MYO3A: variants seen among roughly 807,000 people sequenced by gnomAD.
MYO3A encodes the protein myosin IIIA, also known as myosin-IIIa.
A neutral mutation model predicts 192.7 loss-of-function variants in MYO3A; 180 were observed. The observed-to-expected ratio is 0.93, with a 90% CI of 0.83 to 1.06. The LOEUF (loss-of-function observed/expected upper bound fraction) is 1.06. Among genes scored for constraint, MYO3A ranks in the 50% least tolerant of loss-of-function variants. The pLI, the probability that MYO3A is intolerant of heterozygous loss-of-function variation, is 0.00. For missense variants in MYO3A, 1,896 were observed against 1,905.0 expected (o/e 1.00, Z 0.09); for synonymous variants, 628 against 645.3 (o/e 0.97, Z 0.41).
intron 17 of MYO3A, among the ~76,000 whole-genome samples, chr10:26,109,693 C>T (rs1838042064): frequency 6.6e-6 from 1 of 152,136 alleles, no homozygotes; most frequent in Non-Finnish European, 1.5e-5. Context: ...TTAAAGTAAA[C>T]TTTTCTAGTA....
intron 2 of MYO3A, among the ~76,000 whole-genome samples, chr10:25,951,195 G>C (rs1271359406): frequency 1.3e-5 from 2 of 152,036 alleles, no homozygotes; most frequent in East Asian, 1.9e-4. Context: ...GGTGATATAG[G>C]ATAGTGATAT....
At chr10:26,190,710 T>C (rs1416252437) in intron 31 of MYO3A, among the ~76,000 whole-genome samples, 1 of 152,194 alleles carries the variant, frequency 6.6e-6, no homozygotes, top group Non-Finnish European at 1.5e-5. Flanking sequence ...TGCTTAATGA[T>C]GAAGGGTCAG....
At chr10:26,144,609 TC>T (rs745720101) in intron 21 of MYO3A, among the ~76,000 whole-genome samples, 7 of 152,272 alleles carry the variant, frequency 4.6e-5, no homozygotes, top group Admixed American at 2.6e-4. Context: ...GTTTTATTTC[TC>T]ATGTAATCAA....
chr10:26,135,771 G>A (rs7903895), intron 20 of MYO3A, among the ~76,000 whole-genome samples: 3 of 151,646 alleles, frequency 2.0e-5, no homozygotes, highest in Admixed American at 1.3e-4. Flanking sequence ...TTTGAGACCA[G>A]CCTGGCCAAC....
At chr10:26,095,961 A>C (rs1039670586) in intron 15 of MYO3A, among the ~76,000 whole-genome samples, 1 of 152,210 alleles carries the variant, frequency 6.6e-6, no homozygotes, top group African/African-American at 2.4e-5. Context: ...AATAGGAAAC[A>C]CATGACCACC....
chr10:26,116,484 A>G (rs192655689), intron 17 of MYO3A, among the ~76,000 whole-genome samples: 8 of 152,174 alleles, frequency 5.3e-5, no homozygotes, highest in Non-Finnish European at 1.2e-4. Context: ...CAATGAGCCT[A>G]TTTCCAAATA....
Position 26,108,545 on chromosome 10 carries a change from G to A in MYO3A, c.1776+11863G>A, listed in dbSNP as rs147858157. Among the ~76,000 whole-genome samples, 11 of 152,312 alleles carry A rather than the reference G, an allele frequency of 7.2e-5. No individual in the cohort carries two copies. In the East Asian group the frequency reaches 1.9e-3, roughly 27 times the overall value. ...AATTATTGAATCTAATGATTTTGTA[G>A]TCTGTTTTTAAGGCACTGTTGACTC... On this transcript the variant is annotated intron_variant, in intron 17 of 34. Transcript: ENST00000642920.
At chr10:25,987,255 A>C (rs554529093) in intron 4 of MYO3A, among the ~76,000 whole-genome samples, 3 of 152,354 alleles carry the variant, frequency 2.0e-5, no homozygotes, top group African/African-American at 4.8e-5. Flanking sequence ...ATCCATAAAG[A>C]TTCTAGAAAA....
chr10:26,193,164 A>G (rs1843231712), intron 31 of MYO3A, 41 bp from the exon 32 acceptor site: 1 of 1,396,528 alleles, frequency 7.2e-7, no homozygotes, highest in Non-Finnish European at 1.0e-6. Flanking sequence ...TGATAATAGT[A>G]TTTGTAATTA....
intron 17 of MYO3A, among the ~76,000 whole-genome samples, chr10:26,113,849 C>G (rs1588978458): frequency 6.6e-6 from 1 of 152,150 alleles, no homozygotes; most frequent in Non-Finnish European, 1.5e-5. Flanking sequence ...TGAATCACTT[C>G]GAACTCTATG....
At chr10:25,983,422 A>T (rs1178171177) in intron 4 of MYO3A, among the ~76,000 whole-genome samples, 1 of 151,430 alleles carries the variant, frequency 6.6e-6, no homozygotes. Context: ...CGCCCAGCTA[A>T]TTTTTTTTGT....
chr10:26,016,902 A>G lies in MYO3A; in HGVS notation c.585+6A>G. ...CGTTTTGGATGGCTCCTGAGGTCAG[A>G]TAGAGTTTTGAGGCAGACAAACGTA... On this transcript the variant is annotated splice_donor_region_variant and intron_variant, in intron 7 of 34. Transcript: ENST00000642920. 6.2e-7 allele frequency: 1 copy of G among 1,613,834 alleles called. No homozygotes were observed.
At chr10:25,955,511 G>A (rs745420538) in intron 4 of MYO3A, among the ~76,000 whole-genome samples, 4 of 151,992 alleles carry the variant, frequency 2.6e-5, no homozygotes, top group Admixed American at 1.3e-4. Context: ...AAATGGTGTC[G>A]ATACTGAGTA....
At chr10:26,120,915 G>T (rs1838824772) in intron 18 of MYO3A, 113 bp downstream of exon 18, 1 of 1,331,434 alleles carries the variant, frequency 7.5e-7, no homozygotes, top group Admixed American at 1.9e-5. Flanking sequence ...ATCCTTAAAA[G>T]AATACTCAGA....
At chr10:25,979,662 A>T (rs929768098) in intron 4 of MYO3A, among the ~76,000 whole-genome samples, 1 of 152,224 alleles carries the variant, frequency 6.6e-6, no homozygotes, top group Non-Finnish European at 1.5e-5. Flanking sequence ...TACTTTGCAC[A>T]TAATTCTTTT....
chr10:25,962,419 T>C (rs1266588369), intron 4 of MYO3A, among the ~76,000 whole-genome samples: 1 of 152,154 alleles, frequency 6.6e-6, no homozygotes, highest in Non-Finnish European at 1.5e-5. Context: ...GTTATACACT[T>C]GAATGAAGTT....
intron 10 of MYO3A, among the ~76,000 whole-genome samples, chr10:26,062,044 GT>G (rs36078894): frequency 0.47 from 71,748 of 151,822 alleles, 17,796 homozygotes; most frequent in Middle Eastern, 0.59. Context: ...GCCAGACGTT[GT>G]GGGGGGATAT....
intron 2 of MYO3A, among the ~76,000 whole-genome samples, chr10:25,946,035 C>T (rs988483848): frequency 5.3e-5 from 8 of 152,044 alleles, no homozygotes; most frequent in East Asian, 1.9e-4. Context: ...TCACAAATTA[C>T]GTTTTATATA....
At chr10:26,194,196 GC>G (rs1843289634) in intron 32 of MYO3A, among the ~76,000 whole-genome samples, 1 of 151,932 alleles carries the variant, frequency 6.6e-6, no homozygotes, top group African/African-American at 2.4e-5. Context: ...CTGCCTAATC[GC>G]ATCCTCTCCA....
Sources: allele counts gnomAD v4.1 joint callset (sites outside exome capture counted in the v4.1 genomes callset), GRCh38; gene constraint gnomAD v4.1.1; transcripts MANE v1.5; gene names NCBI Gene and HGNC (gene_info 2026-07-23, HGNC 2026-07-21).